Variants in KLHL13 observed in about 807,000 individuals in gnomAD.
The protein encoded by KLHL13 is kelch-like protein 13.
In KLHL13, 10 loss-of-function variants were observed where a neutral mutation model predicts 37.1. That is an observed-to-expected ratio of 0.27 (90% CI 0.17 to 0.46). The LOEUF is 0.46. Ranked by LOEUF, KLHL13 falls within the 20% of genes least tolerant of loss-of-function variation. KLHL13 has a pLI of 1.00. For synonymous variants in KLHL13, 163 were observed against 181.2 expected, an observed-to-expected ratio of 0.90 and a Z score of 0.81; for missense variants, 360 against 509.3, an observed-to-expected ratio of 0.71 and a Z score of 2.82.
intron 1 of KLHL13, among the ~76,000 whole-genome samples, chrX:118,054,641 G>A (rs2054666302): frequency 9.0e-6 from 1 of 111,410 alleles, no homozygotes; most frequent in Non-Finnish European, 1.9e-5. Context: ...TTAATCTTTT[G>A]CTAAAATGAC....
In KLHL13 at chrX:118,038,496, G is replaced by C. The variant is rs185459868; in HGVS notation, c.-56+78012C>G. ...CAGAGGGAGAATCTGTGCACTAGAG[G>C]AGAGAGATTGCAGTAATGGGGACTT... is the stretch of plus-strand genomic sequence containing the variant. On this transcript the variant is annotated intron_variant, in intron 1 of 6. Coordinates refer to the KLHL13 transcript ENST00000371882. Among the ~76,000 whole-genome samples the C allele has an allele frequency of 1.2e-3, 134 of 111,385 alleles. 1 individual carries two copies. The highest frequency in any genetic ancestry group is 6.6e-4 in the Non-Finnish European group (35 of 53,071).
At chrX:117,963,754 G>A (rs779843135) in intron 1 of KLHL13, among the ~76,000 whole-genome samples, 1 of 100,267 alleles carries the variant, frequency 1.0e-5, no homozygotes, top group South Asian at 5.3e-4. Context: ...TTTAATGATT[G>A]CCATTCTAAC....
At chrX:118,002,643 T>TAAATAAAA (rs2053937928) in intron 1 of KLHL13, among the ~76,000 whole-genome samples, 7 of 99,013 alleles carry the variant, frequency 7.1e-5, no homozygotes, top group African/African-American at 2.8e-4. Flanking sequence ...AATAAATAAA[T>TAAATAAAA]AAAATGCTGT....
chrX:118,031,959 C>T (rs1424510823), intron 1 of KLHL13, among the ~76,000 whole-genome samples: 1 of 110,266 alleles, frequency 9.1e-6, no homozygotes, highest in Non-Finnish European at 1.9e-5. Flanking sequence ...GTTCCCTTTC[C>T]TAGTCAGAGA....
chrX:118,064,638 T>A, intron 1 of KLHL13, among the ~76,000 whole-genome samples: 1 of 111,729 alleles, frequency 9.0e-6, no homozygotes, highest in Non-Finnish European at 1.9e-5. Context: ...ATGAACTGAA[T>A]AGCTTCTGTA....
At chrX:118,053,889 A>G (rs968226329) in intron 1 of KLHL13, among the ~76,000 whole-genome samples, 3 of 102,315 alleles carry the variant, frequency 2.9e-5, no homozygotes, top group African/African-American at 1.1e-4. Flanking sequence ...AGAGAGAGAG[A>G]GAGAGAAACC....
intron 1 of KLHL13, among the ~76,000 whole-genome samples, chrX:118,072,882 C>T (rs1290254392): frequency 9.0e-6 from 1 of 110,522 alleles, no homozygotes; most frequent in Non-Finnish European, 1.9e-5. Context: ...ACACTTGAGC[C>T]CAGGAGTTTG....
intron 4 of KLHL13, among the ~76,000 whole-genome samples, chrX:117,918,876 C>T (rs1931526618): frequency 8.9e-6 from 1 of 112,201 alleles, no homozygotes; most frequent in African/African-American, 3.2e-5. Flanking sequence ...GCTCAGATTA[C>T]TTTTCCATTC....
At chrX:118,071,256 C>A (rs763390452) in intron 1 of KLHL13, among the ~76,000 whole-genome samples, 10 of 111,555 alleles carry the variant, frequency 9.0e-5, no homozygotes, top group African/African-American at 2.6e-4. Flanking sequence ...ATTTATAGTC[C>A]TTTGGGTATA....
chrX:118,035,168 G>A (rs1387635360), intron 1 of KLHL13, among the ~76,000 whole-genome samples: 1 of 105,600 alleles, frequency 9.5e-6, no homozygotes, highest in South Asian at 3.8e-4. Flanking sequence ...GAGGTACAAG[G>A]AGGAACTGGT....
At chrX:118,000,361 T>C (rs1403591548) in intron 1 of KLHL13, among the ~76,000 whole-genome samples, 1 of 112,212 alleles carries the variant, frequency 8.9e-6, no homozygotes, top group African/African-American at 3.2e-5. Context: ...TCAATCTACT[T>C]TGATTAAAAG....
chrX:118,029,085 T>C (rs1389731718), intron 1 of KLHL13, among the ~76,000 whole-genome samples: 1 of 111,451 alleles, frequency 9.0e-6, no homozygotes. Flanking sequence ...ACTGGGGGTC[T>C]TGGAACATAC....
chrX:117,908,431 C>A lies in KLHL13; in HGVS notation c.1366+870G>T, dbSNP rs1404070981. ...CAGACAGGCCCTGGTGTGTGATGTT[C>A]CCCTCCCTGTGACAGACTCTATTTA... On this transcript the variant is annotated intron_variant, in intron 5 of 6. Transcript: ENST00000262820. 2.8e-5 allele frequency among the ~76,000 whole-genome samples: 3 copies of A among 108,220 alleles called. No homozygotes were observed. The Admixed American group carries it at 3.0e-4, about 11-fold the overall frequency. The allele number at this position is 108,220 out of a possible 115,157, so 94.0% of individuals were successfully genotyped here.
chrX:118,056,963 C>T (rs2054691822), intron 1 of KLHL13, among the ~76,000 whole-genome samples: 1 of 112,095 alleles, frequency 8.9e-6, no homozygotes, highest in South Asian at 3.7e-4. Context: ...CAGCTACAGC[C>T]TCCCAGAGTA....
At chrX:117,940,329 G>T (rs1007425873) in intron 2 of KLHL13, among the ~76,000 whole-genome samples, 5 of 111,686 alleles carry the variant, frequency 4.5e-5, no homozygotes, top group Non-Finnish European at 7.5e-5. Flanking sequence ...GTACCATGCT[G>T]TTTTGGTTAC....
At chrX:117,923,160 C>T (rs1415005184) in intron 2 of KLHL13, among the ~76,000 whole-genome samples, 5 of 111,776 alleles carry the variant, frequency 4.5e-5, no homozygotes, top group Non-Finnish European at 9.4e-5. Context: ...TAAGCAATGC[C>T]GCAATTAACT....
chrX:118,098,148 C>T (rs778267262), intron 1 of KLHL13, among the ~76,000 whole-genome samples: 4,441 of 111,601 alleles, frequency 0.04, 224 homozygotes, highest in African/African-American at 0.14. Context: ...AGGCAACCTA[C>T]AGAATGGGAG....
intron 1 of KLHL13, among the ~76,000 whole-genome samples, chrX:118,035,236 ATT>A (rs1392225618): frequency 9.7e-6 from 1 of 102,844 alleles, no homozygotes; most frequent in Non-Finnish European, 1.9e-5. Context: ...TCCCTAACTC[ATT>A]TTATGAGGCC....
intron 1 of KLHL13, among the ~76,000 whole-genome samples, chrX:117,960,047 AAC>A (rs772002942): frequency 3.6e-5 from 4 of 110,649 alleles, no homozygotes; most frequent in African/African-American, 6.6e-5. Flanking sequence ...AGTGCTCTAA[AAC>A]ACAATATTTT....
Sources: allele counts gnomAD v4.1 joint callset (sites outside exome capture counted in the v4.1 genomes callset), GRCh38; gene constraint gnomAD v4.1.1; transcripts MANE v1.5; gene names NCBI Gene and HGNC (gene_info 2026-07-23, HGNC 2026-07-21).